Variants in MROH1 observed in about 807,000 individuals in gnomAD.
MROH1 encodes maestro heat like repeat family member 1, also known as maestro heat-like repeat-containing protein family member 1.
A neutral mutation model predicts 116.5 loss-of-function variants in MROH1; 117 were observed. That is an observed-to-expected ratio of 1.00 (90% CI 0.86 to 1.17). The LOEUF (loss-of-function observed/expected upper bound fraction) is 1.17, where lower values mean the gene tolerates loss of function less well. Ranked by LOEUF, MROH1 falls within the 50% of genes most tolerant of loss-of-function variation. The probability of loss-of-function intolerance (pLI) is 0.00; values close to 1 mark genes in which losing one functional copy is unlikely to be tolerated. For missense variants in MROH1, 1,873 were observed against 1,338.5 expected (o/e 1.40, Z -6.23); for synonymous variants, 921 against 583.9 (o/e 1.58, Z -8.32).
chr8:144,261,189 G>A lies in MROH1; in HGVS notation c.4747G>A (p.Val1583Ile), dbSNP rs1331853030. The A allele has an allele frequency of 1.2e-5, 9 of 766,988 alleles. No individual in the cohort carries two copies. Among genetic ancestry groups the A allele is most frequent in the African/African-American group, 3.4e-5 (2 of 59,050 alleles). 47.5% of individuals were successfully genotyped at this position (766,988 alleles called of 1,614,324 possible). A position where few individuals can be genotyped will look rare whatever the true frequency, so the allele number is the denominator to read the frequency against. ...LFYFKSSWEN[V>I]RAAAPLFTGF... ...CTACTTCAAGAGCAGCTGGGAGAAC[G>A]TCCGAGCTGCTGCACCCCTGTTCAC... The change falls in exon 42 of 44, where the codon GTC becomes ATC. Residue 1583 changes from valine to isoleucine, a missense_variant. Physicochemically the swap from Val to Ile is conservative, Grantham distance 29. Coordinates refer to ENST00000326134, the MANE Select transcript of MROH1 (RefSeq NM_032450.3).
intron 4 of MROH1, among the ~76,000 whole-genome samples, 189 bp downstream of exon 4, chr8:144,168,629 G>GTA (rs144219939): frequency 6.6e-6 from 1 of 152,174 alleles, no homozygotes; most frequent in Non-Finnish European, 1.5e-5. Context: ...CATGAGTGGG[G>GTA]TATGGCCACA....
At chr8:144,217,739 G>A (rs1262869689) in intron 12 of MROH1, among the ~76,000 whole-genome samples, 1 of 152,232 alleles carries the variant, frequency 6.6e-6, no homozygotes, top group African/African-American at 2.4e-5. Flanking sequence ...GAGGAGCTGG[G>A]ATGACAAGTG....
At chr8:144,157,116 C>G (rs1818344793) in intron 1 of MROH1, among the ~76,000 whole-genome samples, 1 of 152,090 alleles carries the variant, frequency 6.6e-6, no homozygotes, top group South Asian at 2.1e-4. Flanking sequence ...CCACCACGTC[C>G]AGCTAATTTT....
Position 144,216,793 on chromosome 8 carries a change from G to A in MROH1, c.1142-3807G>A, listed in dbSNP as rs370247503. Reference sequence around the variant, plus strand: ...CAACTTCCACCTCCTGGGTTCAAGCGATTCTCCTGCCTCAGCTTCCCGAGT... The same window carrying A: ...CAACTTCCACCTCCTGGGTTCAAGCAATTCTCCTGCCTCAGCTTCCCGAGT... On this transcript the variant is annotated intron_variant, in intron 12 of 43. Coordinates refer to ENST00000326134, the MANE Select transcript of MROH1 (RefSeq NM_032450.3). Among the ~76,000 whole-genome samples the A allele has an allele frequency of 6.0e-5, 9 of 151,086 alleles. No individual in the cohort carries two copies. In the East Asian group the frequency reaches 1.4e-3, roughly 23 times the overall value.
intron 39 of MROH1, 105 bp downstream of exon 39, chr8:144,260,479 C>T (rs1017346248): frequency 1.1e-5 from 8 of 697,422 alleles, no homozygotes; most frequent in Non-Finnish European, 1.8e-5. Flanking sequence ...CCCACCTCGG[C>T]TAGGTGACCG....
At chr8:144,236,895 C>CTTTTTTT (rs1840124973) in intron 14 of MROH1, among the ~76,000 whole-genome samples, 2 of 131,150 alleles carry the variant, frequency 1.5e-5, no homozygotes, top group African/African-American at 5.9e-5. Flanking sequence ...CTCTCCTATT[C>CTTTTTTT]CTTTTTTTTT....
At chr8:144,151,114 G>A (rs1034578600) in intron 1 of MROH1, among the ~76,000 whole-genome samples, 5 of 151,878 alleles carry the variant, frequency 3.3e-5, no homozygotes, top group South Asian at 4.2e-4. Context: ...CGAGTGTGGC[G>A]GTGGGCGCCT....
rs762018291 is a variant in MROH1 at position 144,220,698 on chromosome 8, C to T, written c.1215+25C>T. The T allele has an allele frequency of 1.4e-5, 22 of 1,554,582 alleles. No homozygotes were observed. The Admixed American group carries it at 4.1e-4, about 29-fold the overall frequency. On this transcript the variant is annotated intron_variant, in intron 13 of 43. Transcript: ENST00000326134. Reference sequence around the variant, plus strand: ...GGTAAACCACATGGGCCAGCCCAGGCTGCACCACCACACCACAGGCAGCTG... The same window carrying T: ...GGTAAACCACATGGGCCAGCCCAGGTTGCACCACCACACCACAGGCAGCTG...
chr8:144,205,846 A>G (rs1342484018), intron 12 of MROH1, among the ~76,000 whole-genome samples: 1 of 152,170 alleles, frequency 6.6e-6, no homozygotes, highest in Non-Finnish European at 1.5e-5. Context: ...TTCTTCCAGA[A>G]TTTTATTTTC....
chr8:144,183,715 C>T (rs1190681108), intron 7 of MROH1, among the ~76,000 whole-genome samples: 3 of 151,834 alleles, frequency 2.0e-5, no homozygotes, highest in African/African-American at 7.3e-5. Context: ...GGCGCGATCT[C>T]GGCTCACTGC....
intron 1 of MROH1, among the ~76,000 whole-genome samples, chr8:144,158,055 C>G (rs1818607283): frequency 7.2e-6 from 1 of 139,232 alleles, no homozygotes; most frequent in African/African-American, 2.8e-5. Flanking sequence ...TGCAGTGGTG[C>G]TATCTTGGCT....
chr8:144,213,361 AC>A, intron 12 of MROH1: 1 of 396,342 alleles, frequency 2.5e-6, no homozygotes, highest in East Asian at 3.8e-5. Flanking sequence ...TTTGCTGGTT[AC>A]AGGATTCTTG....
chr8:144,254,672 AGGCCATTTCCCAGCT>A, intron 33 of MROH1, 126 bp from the exon 34 acceptor site: 1 of 605,548 alleles, frequency 1.7e-6, no homozygotes, highest in Non-Finnish European at 3.0e-6. Flanking sequence ...TGAGGCCAAG[AGGCCATTTCCCAGCT>A]GGCTGCAGCT....
intron 14 of MROH1, among the ~76,000 whole-genome samples, chr8:144,229,173 ACCC>A (rs1838355476): frequency 6.6e-6 from 1 of 152,040 alleles, no homozygotes; most frequent in South Asian, 2.1e-4. Flanking sequence ...TGATGTCTTG[ACCC>A]TGTCAAAGTT....
intron 28 of MROH1, among the ~76,000 whole-genome samples, chr8:144,244,797 G>A (rs1352239663): frequency 5.3e-5 from 8 of 152,210 alleles, no homozygotes; most frequent in Admixed American, 5.2e-4. Context: ...GGGCCCACGG[G>A]TACCCATGGC....
At chr8:144,232,474 G>GTTTA (rs782182419) in intron 14 of MROH1, among the ~76,000 whole-genome samples, 5,432 of 142,720 alleles carry the variant, frequency 0.038, 117 homozygotes, top group South Asian at 0.055. Flanking sequence ...TTGTTTGTTT[G>GTTTA]TTTATTTATT....
At chr8:144,173,824 G>A (rs1823133953) in intron 4 of MROH1, among the ~76,000 whole-genome samples, 1 of 152,214 alleles carries the variant, frequency 6.6e-6, no homozygotes, top group African/African-American at 2.4e-5. Flanking sequence ...ATTATAGCTT[G>A]TAACTGTGTT....
In MROH1 at chr8:144,259,932, A is replaced by C; in HGVS notation, c.4066A>C (p.Asn1356His). Residue 1356 changes from asparagine (N) to histidine (H), a missense_variant, in exon 38 of 44, where the codon AAC (asparagine) becomes CAC (histidine). By Grantham distance (68) the Asn-to-His change is moderately conservative. Transcript: ENST00000326134. ...GCAGCTGCTGAACAGCAACGTGGCC[A>C]ACGACCTCATGCTCTTGGACTCGCT... ...LAELLNSNVA[N>H]DLMLLDSLLE... The C allele has an allele frequency of 1.3e-6, 1 of 742,576 alleles. No homozygotes were observed. Among genetic ancestry groups the C allele is most frequent in the South Asian group, 1.4e-5 (1 of 69,648 alleles). 46.0% of individuals were successfully genotyped at this position (742,576 alleles called of 1,614,324 possible). A position where few individuals can be genotyped will look rare whatever the true frequency, so the allele number is the denominator to read the frequency against.
chr8:144,199,259 C>CTGCTG lies in MROH1; in HGVS notation c.1027+61_1027+65dup, dbSNP rs1478635920. 135 of 1,521,366 alleles carry CTGCTG rather than the reference C, an allele frequency of 8.9e-5. No homozygotes were observed. The African/African-American group carries it at 1.6e-3, about 18-fold the overall frequency. 94.2% of individuals were successfully genotyped at this position (1,521,366 alleles called of 1,614,324 possible). ...CTGTGGACACTCACAGGGTCACTGC[C>CTGCTG]TGCTGTATGTGGAGGATGGTGGTGG... On this transcript the variant is annotated intron_variant, in intron 11 of 43. Coordinates refer to ENST00000326134, the MANE Select transcript of MROH1 (RefSeq NM_032450.3).
Sources: allele counts gnomAD v4.1 joint callset (sites outside exome capture counted in the v4.1 genomes callset), GRCh38; gene constraint gnomAD v4.1.1; transcripts MANE v1.5; gene names NCBI Gene and HGNC (gene_info 2026-07-23, HGNC 2026-07-21).